GRM3: variants seen among roughly 807,000 people sequenced by gnomAD.
The protein encoded by GRM3 is metabotropic glutamate receptor 3.
A neutral mutation model predicts 70.5 loss-of-function variants in GRM3; 26 were observed. The ratio of observed to expected loss-of-function variants is 0.37; its 90% CI spans 0.27 to 0.51. The LOEUF (loss-of-function observed/expected upper bound fraction) is 0.51. Among genes scored for constraint, GRM3 ranks in the 20% least tolerant of loss-of-function variants. The pLI is 0.93. For synonymous variants in GRM3, 443 were observed against 434.9 expected (o/e 1.02, Z -0.23); for missense variants, 859 against 1,123.8 (o/e 0.76, Z 3.37).
chr7:86,645,518 A>T (rs1469110751), intron 1 of GRM3, among the ~76,000 whole-genome samples: 1 of 152,200 alleles, frequency 6.6e-6, no homozygotes, highest in African/African-American at 2.4e-5. Context: ...TGACAGTGAG[A>T]TAACTCAGAG....
chr7:86,764,613 G>A (rs1287972769), intron 1 of GRM3, among the ~76,000 whole-genome samples: 1 of 152,004 alleles, frequency 6.6e-6, no homozygotes, highest in African/African-American at 2.4e-5. Flanking sequence ...AGCTTAAAGA[G>A]AAGGGATATA....
chr7:86,694,832 G>A (rs1044124749), intron 1 of GRM3, among the ~76,000 whole-genome samples: 1 of 152,122 alleles, frequency 6.6e-6, no homozygotes, highest in African/African-American at 2.4e-5. Flanking sequence ...CACAATGACT[G>A]GTGCTCTATG....
intron 1 of GRM3, among the ~76,000 whole-genome samples, chr7:86,669,961 T>C (rs1352053685): frequency 6.6e-6 from 1 of 152,140 alleles, no homozygotes; most frequent in Admixed American, 6.6e-5. Context: ...CCAAATCTAG[T>C]GATCACCAAA....
intron 2 of GRM3, among the ~76,000 whole-genome samples, chr7:86,779,417 C>G (rs770512354): frequency 3.3e-5 from 5 of 151,926 alleles, no homozygotes; most frequent in Non-Finnish European, 5.9e-5. Flanking sequence ...CATGTGCACA[C>G]GTGCGCACAC....
intron 2 of GRM3, among the ~76,000 whole-genome samples, chr7:86,767,128 C>G (rs1796617872): frequency 6.6e-6 from 1 of 152,006 alleles, no homozygotes; most frequent in Non-Finnish European, 1.5e-5. Flanking sequence ...AGGAGAATCA[C>G]TTGAACCCAG....
chr7:86,680,651 A>C (rs1431304795), intron 1 of GRM3, among the ~76,000 whole-genome samples: 6 of 152,250 alleles, frequency 3.9e-5, no homozygotes, highest in African/African-American at 1.2e-4. Context: ...TTTCAGTAAG[A>C]CTTTGTTAAA....
At chr7:86,665,725 G>A (rs776333112) in intron 1 of GRM3, among the ~76,000 whole-genome samples, 36 of 151,978 alleles carry the variant, frequency 2.4e-4, no homozygotes, top group Non-Finnish European at 5.0e-4. Flanking sequence ...AAGAAAATGA[G>A]AATTTTATAT....
chr7:86,815,363 A>G (rs1010099214), intron 3 of GRM3, among the ~76,000 whole-genome samples: 1 of 151,952 alleles, frequency 6.6e-6, no homozygotes, highest in East Asian at 1.9e-4. Flanking sequence ...TCCCCCTTTG[A>G]TGATTTTGTC....
rs552025559 is a variant in GRM3, at chr7:86,765,036, C to T, written c.-110C>T. On this transcript the variant is annotated 5_prime_UTR_variant, in exon 2 of 6. Transcript: ENST00000361669. ...TTGTGACAGGCTCTGTTAGTCTGTT[C>T]CTCCCTTATTTGAAGGACAGGCCAA... 1.1e-5 allele frequency: 16 copies of T among 1,487,408 alleles called. No individual in the cohort carries two copies. In the East Asian group the frequency reaches 3.4e-4, roughly 32 times the overall value. 92.1% of individuals were successfully genotyped at this position (1,487,408 alleles called of 1,614,324 possible).
In GRM3 at chr7:86,792,708, A is replaced by G. The variant is rs556892774; in HGVS notation, c.1324+5592A>G. ...CCTGCTTCATAGAGCTTACACAGAC[A>G]TTTAACCACCAAAAACAATTCTAAA... On this transcript the variant is annotated intron_variant, in intron 3 of 5. Transcript: ENST00000361669. Among the ~76,000 whole-genome samples the G allele has an allele frequency of 3.9e-5, 6 of 152,338 alleles. No individual in the cohort carries two copies. The East Asian group carries it at 1.2e-3, about 29-fold the overall frequency.
At chr7:86,714,232 G>T (rs990698838) in intron 1 of GRM3, among the ~76,000 whole-genome samples, 2 of 151,830 alleles carry the variant, frequency 1.3e-5, no homozygotes, top group African/African-American at 4.8e-5. Flanking sequence ...TCCCATTTTG[G>T]CTCTGCCTCT....
At chr7:86,852,049 G>T (rs1012263774) in intron 5 of GRM3, among the ~76,000 whole-genome samples, 3 of 152,004 alleles carry the variant, frequency 2.0e-5, no homozygotes, top group African/African-American at 7.2e-5. Flanking sequence ...ACCCCTTAAG[G>T]TAAAGAAACT....
chr7:86,683,916 A>G (rs1262765278), intron 1 of GRM3, among the ~76,000 whole-genome samples: 1 of 152,164 alleles, frequency 6.6e-6, no homozygotes, highest in African/African-American at 2.4e-5. Flanking sequence ...CAAGTCATAA[A>G]TGACCACTTT....
intron 1 of GRM3, among the ~76,000 whole-genome samples, chr7:86,645,980 T>TGGGTGGGGAGGGGGGGG (rs1562811178): frequency 2.0e-5 from 1 of 50,176 alleles, no homozygotes; most frequent in Non-Finnish European, 3.8e-5. Context: ...TTCTTTGTGG[T>TGGGTGGGGAGGGGGGGG]GGGCGGGGGG....
chr7:86,679,197 C>A (rs1392468123), intron 1 of GRM3, among the ~76,000 whole-genome samples: 1 of 151,858 alleles, frequency 6.6e-6, no homozygotes, highest in African/African-American at 2.4e-5. Context: ...AAGTGACAGG[C>A]ATATCATATC....
intron 1 of GRM3, among the ~76,000 whole-genome samples, chr7:86,657,355 A>G (rs1793773084): frequency 6.6e-6 from 1 of 152,220 alleles, no homozygotes. Flanking sequence ...CCCTAAGTGG[A>G]TAATAATATT....
chr7:86,755,268 T>C (rs1796317499), intron 1 of GRM3, among the ~76,000 whole-genome samples: 2 of 152,132 alleles, frequency 1.3e-5, no homozygotes, highest in South Asian at 2.1e-4. Context: ...TTTTAGCTGA[T>C]TGGGATTTTG....
At chr7:86,740,821 T>C (rs1270129961) in intron 1 of GRM3, among the ~76,000 whole-genome samples, 1 of 152,206 alleles carries the variant, frequency 6.6e-6, no homozygotes, top group Admixed American at 6.5e-5. Flanking sequence ...GGTTGGTCTG[T>C]CATCTTCCTA....
intron 2 of GRM3, among the ~76,000 whole-genome samples, chr7:86,777,288 T>C (rs1461607190): frequency 1.3e-5 from 2 of 152,146 alleles, no homozygotes; most frequent in African/African-American, 4.8e-5. Flanking sequence ...AAAATAAAAG[T>C]GTGTGACAAT....
Sources: gnomAD v4.1 joint callset for allele counts (sites outside exome capture counted in the v4.1 genomes callset) on GRCh38, gnomAD v4.1.1 for gene constraint, MANE v1.5 for transcripts, NCBI Gene and HGNC (gene_info 2026-07-23, HGNC 2026-07-21) for gene names.